The following WIPF2 variants were observed in gnomAD, a reference collection of about 807,000 sequenced individuals.
The protein encoded by WIPF2 is WAS/WASL interacting protein family member 2, also known as WAS/WASL-interacting protein family member 2.
WIPF2 carries 23 observed loss-of-function variants against 38.8 expected under a neutral mutation model. The observed-to-expected ratio is 0.59, with a 90% CI of 0.43 to 0.84. WIPF2 has a LOEUF of 0.84. WIPF2 is among the 40% of genes least tolerant of loss of function. The probability of loss-of-function intolerance (pLI) is 0.00; values close to 1 mark genes in which losing one functional copy is unlikely to be tolerated. For synonymous variants in WIPF2, 210 were observed against 223.2 expected (o/e 0.94, Z 0.53); for missense variants, 574 against 580.5 (o/e 0.99, Z 0.11).
intron 1 of WIPF2, among the ~76,000 whole-genome samples, chr17:40,241,607 T>C (rs1189670900): frequency 6.6e-6 from 1 of 152,184 alleles, no homozygotes; most frequent in African/African-American, 2.4e-5. Context: ...ATACTAGTTA[T>C]GAACATTGAG....
intron 1 of WIPF2, among the ~76,000 whole-genome samples, chr17:40,238,813 A>G (rs2049060722): frequency 6.6e-6 from 1 of 151,438 alleles, no homozygotes. Flanking sequence ...GGGTTTCACC[A>G]CCTTGGTCAG....
intron 1 of WIPF2, among the ~76,000 whole-genome samples, chr17:40,235,359 G>A (rs1210746052): frequency 1.3e-5 from 2 of 152,108 alleles, no homozygotes; most frequent in Non-Finnish European, 2.9e-5. Flanking sequence ...TGTATCATTC[G>A]ATTACCTTTA....
intron 1 of WIPF2, among the ~76,000 whole-genome samples, chr17:40,240,631 GTTTGGTT>G (rs2031156148): frequency 6.7e-6 from 1 of 150,278 alleles, no homozygotes; most frequent in Non-Finnish European, 1.5e-5. Context: ...TTTGCTTGTT[GTTTGGTT>G]TATGTCTTTA....
chr17:40,260,987 C>G, intron 3 of WIPF2: 1 of 360,678 alleles, frequency 2.8e-6, no homozygotes, highest in Non-Finnish European at 5.3e-6. Flanking sequence ...CACTGCGCCA[C>G]TGCACTCCAG....
Position 40,256,027 on chromosome 17 carries a change from T to G in WIPF2, c.-69-364T>G, listed in dbSNP as rs576707706. On this transcript the variant is annotated intron_variant, in intron 1 of 7. Coordinates refer to ENST00000323571, the MANE Select transcript of WIPF2 (RefSeq NM_133264.5). Reference sequence around the variant, plus strand: ...GAGGATTGCTGGGGCTCAGGAGTTCTAGGCTGCAGTGAGCCATGATTGCAC... The same window carrying G: ...GAGGATTGCTGGGGCTCAGGAGTTCGAGGCTGCAGTGAGCCATGATTGCAC... Among the ~76,000 whole-genome samples, 18 of 149,398 alleles carry G rather than the reference T, an allele frequency of 1.2e-4. No homozygotes were observed. The South Asian group carries it at 3.8e-3, about 31-fold the overall frequency.
intron 5 of WIPF2, among the ~76,000 whole-genome samples, chr17:40,266,972 G>A (rs1598495682): frequency 6.6e-6 from 1 of 152,102 alleles, no homozygotes; most frequent in African/African-American, 2.4e-5. Context: ...ATTTGCTTCT[G>A]TTTTCTCAGT....
In WIPF2 at chr17:40,219,405, GAGAAAGAGCTT is replaced by G; in HGVS notation, c.-156_-146del. The stretch of plus-strand genomic sequence containing the variant: ...CGGCGGCGGCGGCGGCGGCGACGGC[GAGAAAGAGCTT>G]GCCGGGGGGCGAGCAGGACAGGACG... On this transcript the variant is annotated 5_prime_UTR_variant, in exon 1 of 8. Coordinates refer to ENST00000323571, the MANE Select transcript of WIPF2 (RefSeq NM_133264.5). 1 of 415,176 alleles carries G rather than the reference GAGAAAGAGCTT, an allele frequency of 2.4e-6. No individual in the cohort carries two copies. Among genetic ancestry groups the G allele is most frequent in the Non-Finnish European group, 4.6e-6 (1 of 219,548 alleles). 25.7% of individuals were successfully genotyped at this position (415,176 alleles called of 1,614,324 possible).
intron 2 of WIPF2, among the ~76,000 whole-genome samples, chr17:40,259,881 CT>C (rs1267124308): frequency 2.0e-5 from 3 of 152,174 alleles, no homozygotes; most frequent in Non-Finnish European, 1.5e-5. Flanking sequence ...ATAGTAGGGA[CT>C]CACTAAATGT....
intron 1 of WIPF2, among the ~76,000 whole-genome samples, chr17:40,234,425 C>CT (rs2030873765): frequency 6.6e-6 from 1 of 151,676 alleles, no homozygotes; most frequent in Non-Finnish European, 1.5e-5. Flanking sequence ...GAGTGAGACT[C>CT]TGTCTCAAAA....
chr17:40,272,949 A>G (rs2032290018), intron 5 of WIPF2, among the ~76,000 whole-genome samples: 1 of 152,210 alleles, frequency 6.6e-6, no homozygotes, highest in Non-Finnish European at 1.5e-5. Flanking sequence ...TAGCCTAGCA[A>G]TAAGAAGGGA....
rs565311033 is a variant in WIPF2, at chr17:40,278,064, G to A, written c.1283-121G>A. ...TTCTTAGGCAAAACAATAATAACAC[G>A]TAGTCCCCAGATTTTAAAGGTTAGC... On this transcript the variant is annotated intron_variant, in intron 7 of 7. Coordinates refer to ENST00000323571, the MANE Select transcript of WIPF2 (RefSeq NM_133264.5). The A allele has an allele frequency of 1.3e-5, 15 of 1,170,640 alleles. No individual in the cohort carries two copies. The African/African-American group carries it at 1.5e-4, about 12-fold the overall frequency. 72.5% of individuals were successfully genotyped at this position (1,170,640 alleles called of 1,614,324 possible). A position where few individuals can be genotyped will look rare whatever the true frequency, so the allele number is the denominator to read the frequency against.
At chr17:40,263,118 A>G (rs2031965216) in intron 4 of WIPF2, among the ~76,000 whole-genome samples, 1 of 152,092 alleles carries the variant, frequency 6.6e-6, no homozygotes, top group Non-Finnish European at 1.5e-5. Flanking sequence ...TCAGTTAGAC[A>G]GGAGGGGTAA....
At position 40,282,228 on chromosome 17, in the gene WIPF2, C is replaced by G. The variant is rs1430996857; in HGVS notation, c.*4003C>G. 6.6e-6 allele frequency: 1 copy of G among 151,862 alleles called. No homozygotes were observed. The highest frequency in any genetic ancestry group is 1.5e-5 in the Non-Finnish European group (1 of 67,996). The allele number at this position is 151,862 out of a possible 1,614,324, so 9.4% of individuals were successfully genotyped here. A position where few individuals can be genotyped will look rare whatever the true frequency, so the allele number is the denominator to read the frequency against. On this transcript the variant is annotated 3_prime_UTR_variant, in exon 8 of 8. Transcript: ENST00000323571. The stretch of plus-strand genomic sequence containing the variant: ...TAGATTTCTGTGCTTTCTTCCTTTC[C>G]CTCTTTGAAGCAATTAAAATCTTCC...
rs111575117 is a variant in WIPF2, at chr17:40,244,777, C to T, written c.-69-11614C>T. ...GTTCTCTAACACACCAACTACATTC[C>T]CATGTTAGAATTTTTTCACTTGCTG... On this transcript the variant is annotated intron_variant, in intron 1 of 7. Transcript: ENST00000323571. 1.8e-4 allele frequency among the ~76,000 whole-genome samples: 28 copies of T among 152,040 alleles called. 1 individual carries two copies. Among genetic ancestry groups the T allele is most frequent in the Non-Finnish European group, 2.2e-4 (15 of 68,028 alleles).
At chr17:40,246,093 C>CTT (rs552563309) in intron 1 of WIPF2, among the ~76,000 whole-genome samples, 17 of 140,404 alleles carry the variant, frequency 1.2e-4, no homozygotes, top group East Asian at 2.1e-4. Flanking sequence ...CAATGCTACT[C>CTT]TTTTTTTTTT....
intron 1 of WIPF2, 116 bp downstream of exon 1, chr17:40,219,608 T>C (rs1451181714): frequency 1.6e-5 from 1 of 61,880 alleles, no homozygotes; most frequent in Admixed American, 2.1e-4. Context: ...GAGGGGGGCA[T>C]TAGAGGAGGG....
chr17:40,261,619 C>T (rs951068984), intron 3 of WIPF2, among the ~76,000 whole-genome samples: 23 of 150,788 alleles, frequency 1.5e-4, no homozygotes, highest in African/African-American at 5.3e-4. Flanking sequence ...TATTTAACCC[C>T]CTTATCCCTT....
chr17:40,265,723 G>A (rs904388197), intron 5 of WIPF2, among the ~76,000 whole-genome samples: 7 of 152,158 alleles, frequency 4.6e-5, no homozygotes, highest in African/African-American at 1.7e-4. Flanking sequence ...CGCACTGCAG[G>A]ATTTTGCAAA....
intron 2 of WIPF2, among the ~76,000 whole-genome samples, chr17:40,258,187 C>T (rs991215139): frequency 5.3e-5 from 8 of 151,446 alleles, no homozygotes; most frequent in Admixed American, 2.6e-4. Flanking sequence ...CACCTGAGGT[C>T]GGGCGTTTGA....
Sources: allele counts gnomAD v4.1 joint callset (sites outside exome capture counted in the v4.1 genomes callset), GRCh38; gene constraint gnomAD v4.1.1; transcripts MANE v1.5; gene names NCBI Gene and HGNC (gene_info 2026-07-23, HGNC 2026-07-21).